Variants in LMX1A observed in about 807,000 individuals in gnomAD.
LMX1A encodes the protein LIM homeobox transcription factor 1 alpha.
Under a neutral mutation model 49.1 loss-of-function variants are expected in LMX1A, and 15 were observed. The observed-to-expected ratio is 0.31, with a 90% CI of 0.20 to 0.47. The LOEUF is 0.47. Ranked by LOEUF, LMX1A falls within the 20% of genes least tolerant of loss-of-function variation. LMX1A has a pLI of 1.00. For missense variants in LMX1A, 372 were observed against 475.8 expected, an observed-to-expected ratio of 0.78 and a Z score of 2.03; for synonymous variants, 167 against 185.7, an observed-to-expected ratio of 0.90 and a Z score of 0.82.
chr1:165,265,571 C>T (rs1014962566), intron 3 of LMX1A, among the ~76,000 whole-genome samples: 4 of 152,168 alleles, frequency 2.6e-5, no homozygotes, highest in East Asian at 1.9e-4. Context: ...GAGCCCTGCA[C>T]GTCTTTCCAC....
intron 3 of LMX1A, among the ~76,000 whole-genome samples, chr1:165,347,815 A>G (rs1656294317): frequency 6.6e-6 from 1 of 152,244 alleles, no homozygotes; most frequent in African/African-American, 2.4e-5. Flanking sequence ...TTCTGATCAT[A>G]TCATGAGTAT....
chr1:165,209,277 T>C (rs1486374358), intron 6 of LMX1A, among the ~76,000 whole-genome samples: 1 of 152,210 alleles, frequency 6.6e-6, no homozygotes, highest in Non-Finnish European at 1.5e-5. Context: ...CCTGTGATAC[T>C]GTAAAGCATA....
Position 165,230,347 on chromosome 1 carries a change from T to C in LMX1A, c.497-16534A>G, listed in dbSNP as rs143723285. On this transcript the variant is annotated intron_variant, in intron 4 of 8. Transcript: ENST00000342310. ...TAATGATTTCTGTCTAATTTAATTT[T>C]ATTATAGTGGTTTAACATGGATAGC... Among the ~76,000 whole-genome samples the C allele has an allele frequency of 2.1e-4, 32 of 152,356 alleles. No individual in the cohort carries two copies. In the East Asian group the frequency reaches 5.6e-3, roughly 27 times the overall value.
chr1:165,349,211 T>C (rs1461209860), intron 3 of LMX1A, among the ~76,000 whole-genome samples: 1 of 152,246 alleles, frequency 6.6e-6, no homozygotes, highest in Non-Finnish European at 1.5e-5. Context: ...ATCTATTGTA[T>C]TACCACATTC....
At chr1:165,281,506 G>A (rs1165091398) in intron 3 of LMX1A, among the ~76,000 whole-genome samples, 1 of 152,238 alleles carries the variant, frequency 6.6e-6, no homozygotes, top group Non-Finnish European at 1.5e-5. Context: ...ATCAAGTCCA[G>A]CTCAAACCCA....
intron 6 of LMX1A, 117 bp downstream of exon 6, chr1:165,210,582 G>GA: frequency 3.4e-6 from 2 of 581,170 alleles, no homozygotes; most frequent in Non-Finnish European, 5.8e-6. Flanking sequence ...TGAATCAAGA[G>GA]AACTACTCTA....
chr1:165,247,655 C>T (rs939767110), intron 4 of LMX1A, among the ~76,000 whole-genome samples: 7 of 152,224 alleles, frequency 4.6e-5, no homozygotes, highest in African/African-American at 1.7e-4. Flanking sequence ...GAGCCGAACA[C>T]GGCTGCTACA....
intron 4 of LMX1A, among the ~76,000 whole-genome samples, chr1:165,238,394 A>C (rs1652527394): frequency 6.6e-6 from 1 of 152,238 alleles, no homozygotes; most frequent in Non-Finnish European, 1.5e-5. Flanking sequence ...TTGTTGAATA[A>C]TTATAAACAT....
Position 165,203,887 on chromosome 1 carries a change from G to A in LMX1A, c.1142C>T (p.Thr381Ile). The change falls in exon 9 of 9, where the codon ACA (threonine) becomes ATA (isoleucine). Residue 381 changes from threonine to isoleucine, a missense_variant. Physicochemically the swap from Thr to Ile is moderately conservative, Grantham distance 89. This residue lies in a region of LMX1A where 127 missense variants were observed against 138.0 expected (regional missense o/e 0.92). Coordinates refer to ENST00000342310, the MANE Select transcript of LMX1A (RefSeq NM_177398.4). ...AGAACTCTAGGGGAAGACTCAAGAT[G>A]TGAAGTAAGAATTCTGCATGGAGTA... ...HLYSMQNSYF[T>I]S is the part of the protein sequence containing the mutation. 1 of 1,614,012 alleles carries A rather than the reference G, an allele frequency of 6.2e-7. No individual in the cohort carries two copies. The highest frequency in any genetic ancestry group is 8.5e-7 in the Non-Finnish European group (1 of 1,179,914).
At chr1:165,316,528 G>T (rs1180321075) in intron 3 of LMX1A, among the ~76,000 whole-genome samples, 1 of 152,212 alleles carries the variant, frequency 6.6e-6, no homozygotes, top group Non-Finnish European at 1.5e-5. Context: ...CCCTCAAGCT[G>T]CTTCACAAGC....
chr1:165,342,934 G>A (rs1257028552), intron 3 of LMX1A, among the ~76,000 whole-genome samples: 1 of 152,032 alleles, frequency 6.6e-6, no homozygotes, highest in Non-Finnish European at 1.5e-5. Context: ...CCCCAACAGC[G>A]TGACCTTGGG....
intron 4 of LMX1A, among the ~76,000 whole-genome samples, chr1:165,225,902 G>A (rs1652018553): frequency 2.0e-5 from 3 of 152,132 alleles, no homozygotes; most frequent in Admixed American, 6.5e-5. Flanking sequence ...CTGAAGAGAT[G>A]TGAGCAATCA....
intron 4 of LMX1A, among the ~76,000 whole-genome samples, chr1:165,215,248 T>C (rs557626195): frequency 6.6e-6 from 1 of 152,120 alleles, no homozygotes; most frequent in South Asian, 2.1e-4. Context: ...GAGGTGGAAG[T>C]TGCAGCAGCA....
intron 4 of LMX1A, among the ~76,000 whole-genome samples, chr1:165,246,996 T>G (rs1418787192): frequency 6.6e-6 from 1 of 150,654 alleles, no homozygotes; most frequent in Non-Finnish European, 1.5e-5. Context: ...AGTTCCCTGG[T>G]ACTGAGCATT....
At chr1:165,320,960 C>T (rs2101743720) in intron 3 of LMX1A, among the ~76,000 whole-genome samples, 1 of 152,282 alleles carries the variant, frequency 6.6e-6, no homozygotes, top group South Asian at 2.1e-4. Context: ...AGTAGCATTA[C>T]TCATAGTAGC....
In LMX1A at chr1:165,213,717, G is replaced by A. The variant is rs758502343; in HGVS notation, c.593C>T (p.Pro198Leu). ...EGKDHKRPKR[P>L]RTILTTQQRR... ...CTGTTGAGTTGTCAAGATGGTTCTC[G>A]GACGTTTGGGGCGCTTATGGTCCTT... Residue 198 changes from proline to leucine, a missense_variant, in exon 5 of 9, where the codon CCG becomes CTG. This residue lies in a region of LMX1A where 46 missense variants were observed against 93.8 expected (regional missense o/e 0.49). Coordinates refer to ENST00000342310, the MANE Select transcript of LMX1A (RefSeq NM_177398.4). 8.7e-6 allele frequency: 14 copies of A among 1,614,092 alleles called. No individual in the cohort carries two copies. Among genetic ancestry groups the A allele is most frequent in the African/African-American group, 4.0e-5 (3 of 74,924 alleles).
At chr1:165,261,077 G>A (rs1653424612) in intron 3 of LMX1A, among the ~76,000 whole-genome samples, 1 of 152,136 alleles carries the variant, frequency 6.6e-6, no homozygotes, top group South Asian at 2.1e-4. Flanking sequence ...CAGCAGTAAT[G>A]GAGCCTGTGC....
At chr1:165,329,016 A>C (rs74735174) in intron 3 of LMX1A, among the ~76,000 whole-genome samples, 1 of 152,238 alleles carries the variant, frequency 6.6e-6, no homozygotes, top group Non-Finnish European at 1.5e-5. Flanking sequence ...TCACACTGCT[A>C]TGAAGAACTT....
At chr1:165,208,017 A>G (rs1651166564) in intron 7 of LMX1A, 46 bp downstream of exon 7, 1 of 1,565,252 alleles carries the variant, frequency 6.4e-7, no homozygotes. Context: ...TGGTAGGAAC[A>G]GCCTGGATTC....
Sources: gnomAD v4.1 joint callset for allele counts (sites outside exome capture counted in the v4.1 genomes callset) on GRCh38, gnomAD v4.1.1 for gene constraint, gnomAD v4.1.1 regional missense constraint, MANE v1.5 for transcripts, NCBI Gene and HGNC (gene_info 2026-07-23, HGNC 2026-07-21) for gene names.